The following VPS13B variants were observed in gnomAD, a reference collection of about 807,000 sequenced individuals.
VPS13B encodes vacuolar protein sorting 13 homolog B.
VPS13B carries 285 observed loss-of-function variants against 426.4 expected under a neutral mutation model. That is an observed-to-expected ratio of 0.67 (90% CI 0.61 to 0.74). The LOEUF (loss-of-function observed/expected upper bound fraction) is 0.74, where lower values mean the gene tolerates loss of function less well. VPS13B is among the 30% of genes least tolerant of loss of function. The pLI, the probability that VPS13B is intolerant of heterozygous loss-of-function variation, is 0.00. For synonymous variants in VPS13B, 1,676 were observed against 1,676.4 expected, an observed-to-expected ratio of 1.00 and a Z score of 0.01; for missense variants, 4,537 against 4,782.6, an observed-to-expected ratio of 0.95 and a Z score of 1.51.
chr8:99,632,423 T>C (rs187471697), intron 33 of VPS13B, among the ~76,000 whole-genome samples: 1 of 151,972 alleles, frequency 6.6e-6, no homozygotes, highest in Admixed American at 6.6e-5. Flanking sequence ...ATACAGAAAG[T>C]TGCTTTCTTA....
Position 99,234,084 on chromosome 8 carries a change from G to A in VPS13B, c.2516-40114G>A, listed in dbSNP as rs556966983. 1,065 of 783,806 alleles carry A rather than the reference G, an allele frequency of 1.4e-3. 3 individuals carry two copies. The highest frequency in any genetic ancestry group is 1.6e-3 in the Non-Finnish European group (693 of 426,090). 48.6% of individuals were successfully genotyped at this position (783,806 alleles called of 1,614,324 possible). A position where few individuals can be genotyped will look rare whatever the true frequency, so the allele number is the denominator to read the frequency against. On this transcript the variant is annotated intron_variant, in intron 17 of 61. Coordinates refer to ENST00000357162, the MANE Select transcript of VPS13B (RefSeq NM_152564.5). ...AATCAGTCTGTCCGGCCTGAGAAGA[G>A]CCCCCAGGGCGTGACCTTGCTCCCG...
intron 39 of VPS13B, among the ~76,000 whole-genome samples, chr8:99,763,701 T>C (rs1811061891): frequency 6.6e-6 from 1 of 152,042 alleles, no homozygotes; most frequent in Admixed American, 6.6e-5. Context: ...TGAGAGAGAA[T>C]ATAGGAGCAA....
At chr8:99,548,900 A>G (rs1488842475) in intron 30 of VPS13B, among the ~76,000 whole-genome samples, 1 of 152,086 alleles carries the variant, frequency 6.6e-6, no homozygotes, top group African/African-American at 2.4e-5. Flanking sequence ...TTAGAGAAAA[A>G]TTAAACCAAA....
At chr8:99,629,060 A>C (rs905367886) in intron 33 of VPS13B, among the ~76,000 whole-genome samples, 3 of 152,140 alleles carry the variant, frequency 2.0e-5, no homozygotes, top group Non-Finnish European at 4.4e-5. Context: ...CACTATGCCC[A>C]GCCTAGCTGT....
intron 31 of VPS13B, among the ~76,000 whole-genome samples, chr8:99,571,258 A>G (rs1478957340): frequency 2.0e-5 from 3 of 152,150 alleles, no homozygotes; most frequent in Non-Finnish European, 4.4e-5. Flanking sequence ...AGACTGTTAT[A>G]TGGTAAAATA....
At chr8:99,019,816 A>G (rs952417985) in intron 2 of VPS13B, among the ~76,000 whole-genome samples, 2 of 152,314 alleles carry the variant, frequency 1.3e-5, no homozygotes, top group Non-Finnish European at 2.9e-5. Context: ...ATATGCCACT[A>G]TGTCCTTTGT....
intron 35 of VPS13B, chr8:99,695,991 TGAG>T (rs2130140323): frequency 6.6e-6 from 1 of 152,614 alleles, no homozygotes; most frequent in Non-Finnish European, 1.5e-5. Context: ...ATCCTGGGGT[TGAG>T]GAGTGGAGCA....
At chr8:99,223,597 A>G (rs746755733) in intron 17 of VPS13B, among the ~76,000 whole-genome samples, 14 of 152,158 alleles carry the variant, frequency 9.2e-5, no homozygotes, top group Non-Finnish European at 1.6e-4. Context: ...CTTAGCCCCT[A>G]TGTAATAACT....
At chr8:99,128,874 T>C (rs1809593369) in intron 8 of VPS13B, among the ~76,000 whole-genome samples, 1 of 152,160 alleles carries the variant, frequency 6.6e-6, no homozygotes, top group South Asian at 2.1e-4. Flanking sequence ...ACTCAGTGGC[T>C]CACGCCTGTA....
rs1820305199 is a variant in VPS13B at position 99,486,271 on chromosome 8, G to C, written c.3870+4469G>C. 1.3e-5 allele frequency among the ~76,000 whole-genome samples: 2 copies of C among 151,990 alleles called. 1 individual carries two copies. The highest frequency in any genetic ancestry group is 4.2e-4 in the South Asian group (2 of 4,812). On this transcript the variant is annotated intron_variant, in intron 25 of 61. Coordinates refer to ENST00000357162, the MANE Select transcript of VPS13B (RefSeq NM_152564.5). Reference sequence around the variant, plus strand: ...TTTTTTTTTTACTATAGTTGTCCAGGCTGGAGTGCAGTGGCGCGATCTCGG... The same window carrying C: ...TTTTTTTTTTACTATAGTTGTCCAGCCTGGAGTGCAGTGGCGCGATCTCGG...
chr8:99,462,611 A>G (rs963072823), intron 23 of VPS13B, among the ~76,000 whole-genome samples: 3 of 152,052 alleles, frequency 2.0e-5, no homozygotes, highest in Non-Finnish European at 4.4e-5. Flanking sequence ...TTCCTTTCTT[A>G]TATGCCCAGA....
intron 55 of VPS13B, among the ~76,000 whole-genome samples, 161 bp from the exon 56 acceptor site, chr8:99,853,290 G>A (rs528588347): frequency 7.9e-5 from 12 of 152,212 alleles, no homozygotes; most frequent in African/African-American, 2.4e-4. Context: ...GACTGACTCC[G>A]TCCAGACACA....
chr8:99,049,859 A>C (rs1270034750), intron 3 of VPS13B, among the ~76,000 whole-genome samples: 1 of 151,658 alleles, frequency 6.6e-6, no homozygotes, highest in Admixed American at 6.6e-5. Flanking sequence ...GGCTTTGTTC[A>C]TATTTTCTTA....
chr8:99,839,218 TTCG>T (rs1412507295), intron 54 of VPS13B, among the ~76,000 whole-genome samples: 1 of 152,190 alleles, frequency 6.6e-6, no homozygotes, highest in Admixed American at 6.5e-5. Context: ...TTAGCAGACA[TTCG>T]TAGTCGGGTC....
chr8:99,468,078 G>T (rs930771192), intron 24 of VPS13B, among the ~76,000 whole-genome samples: 1 of 152,042 alleles, frequency 6.6e-6, no homozygotes, highest in South Asian at 2.1e-4. Context: ...GTATACATGT[G>T]CCTTGTTGGC....
intron 21 of VPS13B, among the ~76,000 whole-genome samples, chr8:99,428,233 T>G (rs548861570): frequency 6.6e-6 from 1 of 152,068 alleles, no homozygotes; most frequent in Non-Finnish European, 1.5e-5. Flanking sequence ...ATGGGCAAGG[T>G]CTTTATGTCT....
chr8:99,737,366 T>C (rs1833886862), intron 39 of VPS13B, among the ~76,000 whole-genome samples: 1 of 151,920 alleles, frequency 6.6e-6, no homozygotes, highest in Admixed American at 6.6e-5. Context: ...GGGATCCGCC[T>C]GCCTCGGCCT....
At chr8:99,828,392 CCGTTTTT>C (rs1814824032) in intron 51 of VPS13B, among the ~76,000 whole-genome samples, 28 of 47,654 alleles carry the variant, frequency 5.9e-4, no homozygotes, top group East Asian at 1.5e-3. Flanking sequence ...ATTACAACCA[CCGTTTTT>C]TTTTTTTTTT....
At chr8:99,450,119 C>T (rs1818116799) in intron 23 of VPS13B, among the ~76,000 whole-genome samples, 1 of 151,970 alleles carries the variant, frequency 6.6e-6, no homozygotes, top group African/African-American at 2.4e-5. Context: ...ATTTTAATGA[C>T]AGTCAGTGAT....
Sources: allele counts gnomAD v4.1 joint callset (sites outside exome capture counted in the v4.1 genomes callset), GRCh38; gene constraint gnomAD v4.1.1; transcripts MANE v1.5; gene names NCBI Gene and HGNC (gene_info 2026-07-23, HGNC 2026-07-21).